The following DLG2 variants were observed in gnomAD, a reference collection of about 807,000 sequenced individuals.
DLG2 encodes disks large homolog 2.
In DLG2, 45 loss-of-function variants were observed where a neutral mutation model predicts 132.5. That is an observed-to-expected ratio of 0.34 (90% CI 0.27 to 0.44). The LOEUF (loss-of-function observed/expected upper bound fraction) is 0.44, where lower values mean the gene tolerates loss of function less well. DLG2 is among the 20% of genes least tolerant of loss of function. DLG2 has a pLI of 1.00. For synonymous variants in DLG2, 424 were observed against 419.6 expected (o/e 1.01, Z -0.13); for missense variants, 1,045 against 1,196.9 (o/e 0.87, Z 1.87).
In DLG2 at chr11:84,221,153, C is replaced by T. The variant is rs577957531; in HGVS notation, c.573+30085G>A. 1.8e-4 allele frequency among the ~76,000 whole-genome samples: 27 copies of T among 151,896 alleles called. No individual in the cohort carries two copies. The South Asian group carries it at 2.1e-3, about 12-fold the overall frequency. On this transcript the variant is annotated intron_variant, in intron 8 of 27. Transcript: ENST00000376104. Reference sequence around the variant, plus strand: ...ATTGGGTGAAACAAACAAATCAAAACGCCTGTATCTGTGTAACCATTAAAA... The same window carrying T: ...ATTGGGTGAAACAAACAAATCAAAATGCCTGTATCTGTGTAACCATTAAAA...
chr11:85,064,715 G>C (rs1419588843), intron 6 of DLG2, among the ~76,000 whole-genome samples: 3 of 151,622 alleles, frequency 2.0e-5, no homozygotes, highest in Non-Finnish European at 4.4e-5. Context: ...TTAGCATTCA[G>C]AATCAGTTAA....
intron 4 of DLG2, among the ~76,000 whole-genome samples, chr11:85,176,367 G>T (rs963543780): frequency 1.3e-5 from 2 of 152,134 alleles, no homozygotes; most frequent in Non-Finnish European, 2.9e-5. Flanking sequence ...ATGGGGAAAG[G>T]TTTCCCTATT....
At chr11:85,314,955 C>A (rs1173727376) in intron 3 of DLG2, among the ~76,000 whole-genome samples, 2 of 152,018 alleles carry the variant, frequency 1.3e-5, no homozygotes, top group Non-Finnish European at 2.9e-5. Flanking sequence ...CCAGATTTCA[C>A]AGGCTCTGTG....
intron 26 of DLG2, among the ~76,000 whole-genome samples, chr11:83,464,701 C>T (rs911014336): frequency 3.9e-5 from 6 of 152,214 alleles, no homozygotes; most frequent in Non-Finnish European, 8.8e-5. Context: ...TAGACCTTCT[C>T]CTATGGAATG....
chr11:84,861,618 CAAA>C (rs1177657034), intron 6 of DLG2, among the ~76,000 whole-genome samples: 15 of 35,830 alleles, frequency 4.2e-4, no homozygotes, highest in African/African-American at 1.0e-3. Context: ...TTCTACACAG[CAAA>C]AAAAAAAAAA....
At chr11:85,012,291 C>G (rs61909106) in intron 6 of DLG2, among the ~76,000 whole-genome samples, 1 of 73,696 alleles carries the variant, frequency 1.4e-5, no homozygotes, top group South Asian at 4.0e-4. Context: ...CTTTGGGAAG[C>G]TAAGGCGGGT....
chr11:85,495,343 G>T (rs1302427600), intron 3 of DLG2, among the ~76,000 whole-genome samples: 1 of 152,088 alleles, frequency 6.6e-6, no homozygotes, highest in Non-Finnish European at 1.5e-5. Flanking sequence ...GAAGTGAACA[G>T]GCAACCTACA....
chr11:84,795,281 C>T (rs2074420451), intron 6 of DLG2, among the ~76,000 whole-genome samples: 1 of 152,092 alleles, frequency 6.6e-6, no homozygotes, highest in Non-Finnish European at 1.5e-5. Context: ...CAGAGAGGAG[C>T]TTCCCAAGGT....
intron 6 of DLG2, among the ~76,000 whole-genome samples, chr11:84,839,459 C>T (rs2080293979): frequency 6.6e-6 from 1 of 152,076 alleles, no homozygotes; most frequent in South Asian, 2.1e-4. Context: ...CATCAAGCTA[C>T]CAATGACTTT....
chr11:83,867,113 G>A (rs1350401920), intron 16 of DLG2, among the ~76,000 whole-genome samples: 2 of 152,148 alleles, frequency 1.3e-5, no homozygotes, highest in Non-Finnish European at 2.9e-5. Flanking sequence ...ATCATATTGA[G>A]CTCTACTTTG....
At chr11:83,973,637 T>C (rs1304415593) in intron 12 of DLG2, among the ~76,000 whole-genome samples, 2 of 152,038 alleles carry the variant, frequency 1.3e-5, no homozygotes, top group African/African-American at 4.8e-5. Context: ...TGGGCTAGGA[T>C]GTGGTTAGAT....
intron 7 of DLG2, among the ~76,000 whole-genome samples, chr11:84,269,683 A>G (rs1221143228): frequency 6.6e-6 from 1 of 152,204 alleles, no homozygotes; most frequent in East Asian, 1.9e-4. Flanking sequence ...AGTTTTTCTG[A>G]GATGAATGAA....
chr11:83,484,296 AAAC>A (rs2093354757), intron 21 of DLG2, 68 bp from the exon 22 acceptor site: 3 of 1,140,252 alleles, frequency 2.6e-6, no homozygotes, highest in African/African-American at 3.1e-5. Flanking sequence ...CATGCTGACA[AAAC>A]AACTAGTTTG....
chr11:85,496,743 T>C (rs1173518827), intron 3 of DLG2, among the ~76,000 whole-genome samples: 2 of 152,062 alleles, frequency 1.3e-5, no homozygotes, highest in Non-Finnish European at 2.9e-5. Context: ...GGCAGCAATA[T>C]TTGCTGTTCT....
At chr11:83,759,252 C>G (rs1055179984) in intron 18 of DLG2, among the ~76,000 whole-genome samples, 8 of 152,114 alleles carry the variant, frequency 5.3e-5, no homozygotes, top group African/African-American at 1.9e-4. Context: ...CCTGGAAGGG[C>G]AGGTTGTATG....
chr11:85,107,597 T>C (rs1412997135), intron 6 of DLG2, among the ~76,000 whole-genome samples: 5 of 151,972 alleles, frequency 3.3e-5, no homozygotes, highest in Admixed American at 3.3e-4. Flanking sequence ...TTCAGCTGAG[T>C]CCTAGAAACT....
intron 8 of DLG2, among the ~76,000 whole-genome samples, chr11:84,208,341 CTT>C (rs775828270): frequency 3.4e-4 from 42 of 122,730 alleles, no homozygotes; most frequent in Admixed American, 5.2e-4. Context: ...TCAGAATAAA[CTT>C]TTTTTTTTTT....
At chr11:85,446,673 A>C (rs1427102642) in intron 3 of DLG2, among the ~76,000 whole-genome samples, 2 of 152,108 alleles carry the variant, frequency 1.3e-5, no homozygotes, top group Non-Finnish European at 2.9e-5. Context: ...TGTAGCGTGA[A>C]TCATACAACC....
chr11:84,906,756 G>A (rs912345693), intron 6 of DLG2, among the ~76,000 whole-genome samples: 1 of 152,106 alleles, frequency 6.6e-6, no homozygotes, highest in Non-Finnish European at 1.5e-5. Flanking sequence ...CAAGGGACTA[G>A]GGCTAGGATT....
Sources: allele counts gnomAD v4.1 joint callset (sites outside exome capture counted in the v4.1 genomes callset), GRCh38; gene constraint gnomAD v4.1.1; transcripts MANE v1.5; gene names NCBI Gene and HGNC (gene_info 2026-07-23, HGNC 2026-07-21).